ACSM6: variants seen among roughly 807,000 people sequenced by gnomAD.
ACSM6 encodes acyl-coenzyme A synthetase ACSM6, mitochondrial.
Under a neutral mutation model 51.1 loss-of-function variants are expected in ACSM6, and 35 were observed. The observed-to-expected ratio is 0.69, with a 90% CI of 0.52 to 0.91. The LOEUF (loss-of-function observed/expected upper bound fraction) is 0.91. Among genes scored for constraint, ACSM6 ranks in the 40% least tolerant of loss-of-function variants. The pLI is 0.00. For synonymous variants in ACSM6, 172 were observed against 207.3 expected, an observed-to-expected ratio of 0.83 and a Z score of 1.46; for missense variants, 509 against 584.1, an observed-to-expected ratio of 0.87 and a Z score of 1.32.
chr10:95,225,413 CTAAA>C (rs1251085563), intron 10 of ACSM6, 22 bp downstream of exon 10: 3 of 1,421,464 alleles, frequency 2.1e-6, no homozygotes, highest in Middle Eastern at 1.7e-4. Flanking sequence ...TTCTTCTTTC[CTAAA>C]TACTTTCATT....
intron 8 of ACSM6, among the ~76,000 whole-genome samples, chr10:95,215,457 CAGA>C (rs1330297813): frequency 6.6e-6 from 1 of 152,152 alleles, no homozygotes; most frequent in Non-Finnish European, 1.5e-5. Context: ...CTCTAAAACA[CAGA>C]TGAAAAGCAT....
intron 9 of ACSM6, among the ~76,000 whole-genome samples, chr10:95,222,694 G>A (rs1223568045): frequency 6.6e-6 from 1 of 151,666 alleles, no homozygotes; most frequent in East Asian, 1.9e-4. Flanking sequence ...TGGTGGAGAG[G>A]AGAAAACAGG....
Position 95,202,546 on chromosome 10 carries a change from C to T in ACSM6, c.403+351C>T, listed in dbSNP as rs894345431. Among the ~76,000 whole-genome samples the T allele has an allele frequency of 5.3e-5, 8 of 152,254 alleles. No homozygotes were observed. The South Asian group carries it at 6.2e-4, about 12-fold the overall frequency. ...ACCTCAAGGAACTGTAGACCTCTGT[C>T]CTAACATAGTCATCATCAAAACAAC... On this transcript the variant is annotated intron_variant, in intron 3 of 10. Transcript: ENST00000341686.
At chr10:95,205,908 C>T (rs1663741584) in intron 3 of ACSM6, among the ~76,000 whole-genome samples, 1 of 152,176 alleles carries the variant, frequency 6.6e-6, no homozygotes, top group African/African-American at 2.4e-5. Flanking sequence ...CAGGTCTTTT[C>T]CACTGTGTCC....
At chr10:95,205,838 T>C (rs546452085) in intron 3 of ACSM6, among the ~76,000 whole-genome samples, 1 of 152,278 alleles carries the variant, frequency 6.6e-6, no homozygotes, top group Non-Finnish European at 1.5e-5. Flanking sequence ...GTTTCATATA[T>C]ATATACTCAA....
At chr10:95,224,849 C>A (rs551036313) in intron 9 of ACSM6, among the ~76,000 whole-genome samples, 55 of 152,324 alleles carry the variant, frequency 3.6e-4, no homozygotes, top group Non-Finnish European at 7.5e-4. Context: ...TTTTCTTATA[C>A]ATAAGATGGC....
chr10:95,208,279 A>C (rs181033040), intron 4 of ACSM6, among the ~76,000 whole-genome samples: 1 of 152,340 alleles, frequency 6.6e-6, no homozygotes, highest in South Asian at 2.1e-4. Context: ...AATGTGTACA[A>C]ATGGACACAG....
At chr10:95,226,282 A>G (rs914685475) in intron 10 of ACSM6, 2 of 152,210 alleles carry the variant, frequency 1.3e-5, no homozygotes, top group African/African-American at 4.8e-5. Flanking sequence ...ATTAAAATAA[A>G]GAGTGGCTGG....
intron 4 of ACSM6, among the ~76,000 whole-genome samples, chr10:95,208,933 T>TTAA (rs1554829584): frequency 8.8e-5 from 3 of 33,920 alleles, no homozygotes; most frequent in Non-Finnish European, 1.1e-4. Context: ...CAGGGATGTT[T>TTAA]AAAAAAAAAA....
At chr10:95,201,130 G>A (rs952472428) in intron 2 of ACSM6, among the ~76,000 whole-genome samples, 3 of 152,154 alleles carry the variant, frequency 2.0e-5, no homozygotes, top group Admixed American at 6.5e-5. Context: ...CTAGGAGGAG[G>A]GCACTCTTCT....
intron 2 of ACSM6, among the ~76,000 whole-genome samples, chr10:95,198,887 C>T (rs564151728): frequency 1.9e-4 from 29 of 152,168 alleles, no homozygotes; most frequent in South Asian, 4.2e-4. Context: ...TCCATGCTCA[C>T]GGGTAGGAAG....
chr10:95,222,099 A>C (rs938261256), intron 9 of ACSM6, among the ~76,000 whole-genome samples: 2 of 152,244 alleles, frequency 1.3e-5, no homozygotes, highest in African/African-American at 4.8e-5. Flanking sequence ...AAAGGAAAAA[A>C]GAAGTATTCA....
At chr10:95,201,810 T>C (rs190909600) in intron 2 of ACSM6, among the ~76,000 whole-genome samples, 175 bp from the exon 3 acceptor site, 37 of 152,294 alleles carry the variant, frequency 2.4e-4, no homozygotes, top group African/African-American at 7.5e-4. Context: ...AGTACTGCCA[T>C]GTCAGTAAAC....
At chr10:95,212,078 A>G (rs2034898782) in intron 6 of ACSM6, 44 bp downstream of exon 6, 1 of 1,609,998 alleles carries the variant, frequency 6.2e-7, no homozygotes, top group Non-Finnish European at 8.5e-7. Context: ...CAAAGGCCAG[A>G]GAGAGGCATT....
At position 95,199,457 on chromosome 10, in the gene ACSM6, TA is replaced by T. The variant is rs1238580908; in HGVS notation, c.193-2524del. ...TAGGCATGGGCAAGGACTTCATGTC[TA>T]AAACACCAAAAGCAATGGCAACAAA... On this transcript the variant is annotated intron_variant, in intron 2 of 10. Coordinates refer to ENST00000341686, the Ensembl canonical transcript of ACSM6. Among the ~76,000 whole-genome samples, 4 of 152,186 alleles carry T rather than the reference TA, an allele frequency of 2.6e-5. No homozygotes were observed. The East Asian group carries it at 7.7e-4, about 29-fold the overall frequency.
chr10:95,224,438 C>T (rs1238067005), intron 9 of ACSM6, among the ~76,000 whole-genome samples: 1 of 152,220 alleles, frequency 6.6e-6, no homozygotes, highest in Non-Finnish European at 1.5e-5. Context: ...TTTTTTGAGA[C>T]AGAGTTTTGC....
At chr10:95,224,194 T>A (rs546794305) in intron 9 of ACSM6, among the ~76,000 whole-genome samples, 1 of 152,366 alleles carries the variant, frequency 6.6e-6, no homozygotes, top group East Asian at 1.9e-4. Flanking sequence ...TGAAGACCTC[T>A]GATCCTTAGG....
chr10:95,225,081 C>G lies in ACSM6; in HGVS notation c.1201-209C>G, dbSNP rs1036420835. Among the ~76,000 whole-genome samples the G allele has an allele frequency of 3.3e-5, 5 of 152,150 alleles. 1 individual carries two copies. The highest frequency in any genetic ancestry group is 5.9e-5 in the Non-Finnish European group (4 of 68,020). ...GTCAGAAGGTGTCAGAGTGGACATG[C>G]AAACCCAAATATTTCCAGCTCTGGC... On this transcript the variant is annotated intron_variant, in intron 9 of 10. Coordinates refer to ENST00000341686, the Ensembl canonical transcript of ACSM6.
chr10:95,221,443 G>A (rs977183409), intron 9 of ACSM6, among the ~76,000 whole-genome samples: 4 of 152,068 alleles, frequency 2.6e-5, no homozygotes, highest in South Asian at 2.1e-4. Context: ...AAAATTAGCC[G>A]GGTGTGATGG....
Sources: allele counts gnomAD v4.1 joint callset (sites outside exome capture counted in the v4.1 genomes callset), GRCh38; gene constraint gnomAD v4.1.1; transcripts MANE v1.5; gene names NCBI Gene and HGNC (gene_info 2026-07-23, HGNC 2026-07-21).